The following GPR174 variants were observed in gnomAD, a reference collection of about 807,000 sequenced individuals.
The protein encoded by GPR174 is probable G protein-coupled receptor 174.
Under a neutral mutation model 16.5 loss-of-function variants are expected in GPR174, and 8 were observed. The ratio of observed to expected loss-of-function variants is 0.48; its 90% CI spans 0.28 to 0.87. The LOEUF (loss-of-function observed/expected upper bound fraction) is 0.87. Ranked by LOEUF, GPR174 falls within the 40% of genes least tolerant of loss-of-function variation. The pLI is 0.09. For synonymous variants in GPR174, 111 were observed against 94.8 expected, an observed-to-expected ratio of 1.17 and a Z score of -0.99; for missense variants, 214 against 247.5, an observed-to-expected ratio of 0.86 and a Z score of 0.91.
chrX:79,150,443 A>G (rs777988903), intron 1 of GPR174, among the ~76,000 whole-genome samples: 1 of 111,903 alleles, frequency 8.9e-6, no homozygotes, highest in Admixed American at 9.5e-5. Context: ...AGACCCTCTA[A>G]AGACTGTATG....
chrX:79,164,672 G>A (rs1347398845), intron 2 of GPR174, among the ~76,000 whole-genome samples: 2 of 111,691 alleles, frequency 1.8e-5, no homozygotes, highest in African/African-American at 6.5e-5. Flanking sequence ...CCTAATTGAT[G>A]ATATCCACTG....
Position 79,161,977 on chromosome X carries a change from T to C in GPR174, c.-557+5059T>C, listed in dbSNP as rs139357537. Among the ~76,000 whole-genome samples the C allele has an allele frequency of 5.3e-3, 594 of 112,288 alleles. 1 individual carries two copies. Among genetic ancestry groups the C allele is most frequent in the Non-Finnish European group, 9.3e-3 (493 of 53,194 alleles). On this transcript the variant is annotated intron_variant, in intron 2 of 2. Coordinates refer to ENST00000645147, the MANE Select transcript of GPR174 (RefSeq NM_032553.3). ...TACTTTCTTTGATTGTAATCCAATGTGGCTGCATAAATGTATTTCCACAAG... is the reference window on the plus strand; with the variant it reads ...TACTTTCTTTGATTGTAATCCAATGCGGCTGCATAAATGTATTTCCACAAG...
Position 79,145,046 on chromosome X carries a change from CTTTCTTTCT to C in GPR174, c.-822_-814del, listed in dbSNP as rs1926471885. On this transcript the variant is annotated 5_prime_UTR_variant, in exon 1 of 3. Coordinates refer to ENST00000645147, the MANE Select transcript of GPR174 (RefSeq NM_032553.3). Reference sequence around the variant, plus strand: ...TCTTTCTTTCTTTCTTTCTTTCTTTCTTTCTTTCTTTCTTTCTTTTTTTTCTCCTTTTGC... The same window carrying C: ...TCTTTCTTTCTTTCTTTCTTTCTTTCTTCTTTCTTTTTTTTCTCCTTTTGC... 2.1e-5 allele frequency: 1 copy of C among 47,274 alleles called. No individual in the cohort carries two copies. Among genetic ancestry groups the C allele is most frequent in the Non-Finnish European group, 3.9e-5 (1 of 25,658 alleles). The allele number at this position is 47,274 out of a possible 1,213,427, so 3.9% of individuals were successfully genotyped here. A position where few individuals can be genotyped will look rare whatever the true frequency, so the allele number is the denominator to read the frequency against.
In GPR174 at chrX:79,145,058, CT is replaced by C. The variant is rs1251323144; in HGVS notation, c.-810del. 182 of 42,424 alleles carry C rather than the reference CT, an allele frequency of 4.3e-3. 1 individual carries two copies. The highest frequency in any genetic ancestry group is 0.011 in the Middle Eastern group (1 of 89). 3.5% of individuals were successfully genotyped at this position (42,424 alleles called of 1,213,427 possible). ...TCTTTCTTTCTTTCTTTCTTTCTTT[CT>C]TTCTTTTTTTTCTCCTTTTGCTAGT... On this transcript the variant is annotated 5_prime_UTR_variant, in exon 1 of 3. Transcript: ENST00000645147.
At position 79,172,504 on chromosome X, in the gene GPR174, G is replaced by T. The variant is rs192757014; in HGVS notation, c.*495G>T. On this transcript the variant is annotated 3_prime_UTR_variant, in exon 3 of 3. Transcript: ENST00000645147. ...ATATATTACCCTGTGTAAAGAAAAT[G>T]TAAACATAAGATCATTTTTATCTCT... 8.8e-6 allele frequency: 1 copy of T among 113,087 alleles called. No homozygotes were observed. Among genetic ancestry groups the T allele is most frequent in the Non-Finnish European group, 1.9e-5 (1 of 54,023 alleles). The allele number at this position is 113,087 out of a possible 1,213,427, so 9.3% of individuals were successfully genotyped here. A position where few individuals can be genotyped will look rare whatever the true frequency, so the allele number is the denominator to read the frequency against.
In GPR174 at chrX:79,171,543, T is replaced by C. The variant is rs1403986401; in HGVS notation, c.536T>C (p.Leu179Pro). The stretch of plus-strand genomic sequence containing the variant: ...GATCTTCCTACCAGGAATGTCAACC[T>C]GGCCCAGTCCGTTGTTATGATGACC... ...FVDLPTRNVNLAQSVVMMTIG... is the reference protein window; with the variant it reads ...FVDLPTRNVNPAQSVVMMTIG... Residue 179 changes from leucine to proline, a missense_variant, in exon 3 of 3, where the codon CTG becomes CCG. Leu to Pro is a moderately conservative substitution (Grantham distance 98). Transcript: ENST00000645147. 8.3e-7 allele frequency: 1 copy of C among 1,209,285 alleles called. No homozygotes were observed.
intron 1 of GPR174, among the ~76,000 whole-genome samples, chrX:79,147,183 G>C (rs144206804): frequency 6.7e-4 from 75 of 111,180 alleles, no homozygotes; most frequent in African/African-American, 2.2e-3. Flanking sequence ...GAAAAAATGA[G>C]ACTCGTAGAG....
At chrX:79,158,722 G>A (rs182520375) in intron 2 of GPR174, among the ~76,000 whole-genome samples, 282 of 105,287 alleles carry the variant, frequency 2.7e-3, no homozygotes, top group Middle Eastern at 5.0e-3. Context: ...GATTACAGGT[G>A]TGAGCCACCG....
At chrX:79,150,955 C>G (rs1030565098) in intron 1 of GPR174, among the ~76,000 whole-genome samples, 2 of 111,173 alleles carry the variant, frequency 1.8e-5, no homozygotes, top group African/African-American at 6.5e-5. Context: ...AAAGCAGGTC[C>G]AAAGTCTCAC....
chrX:79,163,288 A>T (rs1921279120), intron 2 of GPR174, among the ~76,000 whole-genome samples: 1 of 112,455 alleles, frequency 8.9e-6, no homozygotes, highest in South Asian at 3.6e-4. Context: ...TTATAAAAAG[A>T]GAAAATATGA....
intron 1 of GPR174, among the ~76,000 whole-genome samples, chrX:79,146,189 A>G (rs560096991): frequency 9.0e-6 from 1 of 111,603 alleles, no homozygotes; most frequent in East Asian, 2.8e-4. Flanking sequence ...TTCCTATGTG[A>G]GAGAGAGATA....
At chrX:79,156,594 C>G (rs1921104301) in intron 1 of GPR174, among the ~76,000 whole-genome samples, 1 of 111,870 alleles carries the variant, frequency 8.9e-6, no homozygotes, top group Non-Finnish European at 1.9e-5. Flanking sequence ...CCTACCTTCT[C>G]TCACTCTTTC....
At chrX:79,158,217 T>C (rs1448439439) in intron 2 of GPR174, among the ~76,000 whole-genome samples, 2 of 105,873 alleles carry the variant, frequency 1.9e-5, no homozygotes, top group African/African-American at 6.9e-5. Context: ...CCAGTCTTTC[T>C]TTCTAGTGAG....
At position 79,145,005 on chromosome X, in the gene GPR174, TCTTTCTTTCTTTCTTTC is replaced by T. The variant is rs1190437186; in HGVS notation, c.-865_-849del. ...TTCTTTCTTTCTTTCTCTCTCTCTC[TCTTTCTTTCTTTCTTTC>T]TTTCTTTCTTTCTTTCTTTCTTTCT... On this transcript the variant is annotated 5_prime_UTR_variant, in exon 1 of 3. Coordinates refer to ENST00000645147, the MANE Select transcript of GPR174 (RefSeq NM_032553.3). 1 of 7,384 alleles carries T rather than the reference TCTTTCTTTCTTTCTTTC, an allele frequency of 1.4e-4. No homozygotes were observed. Among genetic ancestry groups the T allele is most frequent in the African/African-American group, 7.4e-4 (1 of 1,358 alleles). 0.6% of individuals were successfully genotyped at this position (7,384 alleles called of 1,213,427 possible). A position where few individuals can be genotyped will look rare whatever the true frequency, so the allele number is the denominator to read the frequency against.
intron 2 of GPR174, among the ~76,000 whole-genome samples, chrX:79,169,374 C>T (rs1472535132): frequency 3.1e-4 from 35 of 111,737 alleles, no homozygotes; most frequent in Non-Finnish European, 1.9e-5. Flanking sequence ...ATAACACTAT[C>T]TTTCTATGTC....
At chrX:79,153,025 A>G (rs1232347923) in intron 1 of GPR174, among the ~76,000 whole-genome samples, 1 of 112,238 alleles carries the variant, frequency 8.9e-6, no homozygotes. Flanking sequence ...TATGAGGAGC[A>G]AAATAGTTCT....
At chrX:79,167,544 C>T (rs1337714893) in intron 2 of GPR174, among the ~76,000 whole-genome samples, 2 of 110,133 alleles carry the variant, frequency 1.8e-5, no homozygotes, top group East Asian at 5.7e-4. Context: ...GGTTGAATAG[C>T]CCGTGAGGTC....
At position 79,171,884 on chromosome X, in the gene GPR174, T is replaced by G; in HGVS notation, c.877T>G (p.Tyr293Asp). 8.3e-7 allele frequency: 1 copy of G among 1,211,446 alleles called. No homozygotes were observed. The highest frequency in any genetic ancestry group is 1.1e-6 in the Non-Finnish European group (1 of 895,307). The part of the protein sequence containing the change: ...LNSCLDPVIY[Y>D]FSTNEFRRRL... ...TTCATGTCTTGACCCAGTCATATAC[T>G]ACTTTTCCACTAATGAGTTCCGAAG... The change falls in exon 3 of 3, where the codon TAC becomes GAC. Residue 293 changes from tyrosine to aspartate, a missense_variant. Coordinates refer to ENST00000645147, the MANE Select transcript of GPR174 (RefSeq NM_032553.3).
Position 79,172,530 on chromosome X carries a change from CAA to C in GPR174, c.*522_*523del, listed in dbSNP as rs2147462608. On this transcript the variant is annotated 3_prime_UTR_variant, in exon 3 of 3. Coordinates refer to ENST00000645147, the MANE Select transcript of GPR174 (RefSeq NM_032553.3). ...TAAACATAAGATCATTTTTATCTCT[CAA>C]GTGTGATTACTCTTCAGAGTTTGAA... 1 of 112,758 alleles carries C rather than the reference CAA, an allele frequency of 8.9e-6. No homozygotes were observed. Among genetic ancestry groups the C allele is most frequent in the African/African-American group, 3.2e-5 (1 of 30,881 alleles). 9.3% of individuals were successfully genotyped at this position (112,758 alleles called of 1,213,427 possible).
Sources: allele counts gnomAD v4.1 joint callset (sites outside exome capture counted in the v4.1 genomes callset), GRCh38; gene constraint gnomAD v4.1.1; transcripts MANE v1.5; gene names NCBI Gene and HGNC (gene_info 2026-07-23, HGNC 2026-07-21).